The following GPC5 variants were observed in gnomAD, a reference collection of about 807,000 sequenced individuals.
GPC5 encodes glypican-5.
Under a neutral mutation model 53.9 loss-of-function variants are expected in GPC5, and 47 were observed. The ratio of observed to expected loss-of-function variants is 0.87; its 90% CI spans 0.69 to 1.11. The LOEUF (loss-of-function observed/expected upper bound fraction) is 1.11, where lower values mean the gene tolerates loss of function less well. Ranked by LOEUF, GPC5 falls within the 50% of genes most tolerant of loss-of-function variation. The pLI, the probability that GPC5 is intolerant of heterozygous loss-of-function variation, is 0.00. For synonymous variants in GPC5, 286 were observed against 263.3 expected, an observed-to-expected ratio of 1.09 and a Z score of -0.84; for missense variants, 748 against 713.1, an observed-to-expected ratio of 1.05 and a Z score of -0.56.
intron 7 of GPC5, among the ~76,000 whole-genome samples, chr13:92,616,448 G>C (rs1231132119): frequency 6.6e-6 from 1 of 152,164 alleles, no homozygotes; most frequent in Non-Finnish European, 1.5e-5. Flanking sequence ...AGAAGTTATG[G>C]AGGACATAAC....
chr13:91,729,378 C>T (rs2036646021), intron 4 of GPC5, among the ~76,000 whole-genome samples: 1 of 151,978 alleles, frequency 6.6e-6, no homozygotes, highest in Admixed American at 6.6e-5. Context: ...GTTTAGTTGA[C>T]CAGTCAGTGT....
chr13:92,785,771 A>G (rs954742601), intron 7 of GPC5, among the ~76,000 whole-genome samples: 3 of 152,196 alleles, frequency 2.0e-5, no homozygotes, highest in Admixed American at 2.0e-4. Context: ...CAGGTCTGCA[A>G]TTTACTGTGT....
intron 7 of GPC5, among the ~76,000 whole-genome samples, chr13:92,534,878 GAAAC>G (rs1022137816): frequency 6.6e-6 from 1 of 152,118 alleles, no homozygotes; most frequent in Non-Finnish European, 1.5e-5. Context: ...TAGGAAAGGA[GAAAC>G]AAACACATCC....
chr13:92,031,757 TTACATATTATATATAATATATA>T (rs2040847576), intron 6 of GPC5, among the ~76,000 whole-genome samples: 1 of 99,680 alleles, frequency 1.0e-5, no homozygotes, highest in Non-Finnish European at 1.8e-5. Flanking sequence ...ATATATTATA[TTACATATTATATATAATATATA>T]ATATATTACA....
At chr13:92,162,512 A>G (rs1284972166) in intron 7 of GPC5, among the ~76,000 whole-genome samples, 1 of 152,202 alleles carries the variant, frequency 6.6e-6, no homozygotes, top group African/African-American at 2.4e-5. Flanking sequence ...AAGGAATTAA[A>G]ACATCATCTG....
chr13:92,073,702 A>C (rs1164610643), intron 6 of GPC5, among the ~76,000 whole-genome samples: 3 of 152,348 alleles, frequency 2.0e-5, no homozygotes, highest in African/African-American at 4.8e-5. Flanking sequence ...GTCTCTGTAT[A>C]CTGCTTGGTT....
rs578234167 is a variant in GPC5 at position 92,234,090 on chromosome 13, G to A, written c.1561+89101G>A. On this transcript the variant is annotated intron_variant, in intron 7 of 7. Transcript: ENST00000377067. ...ACATCTGGGTTGGTTCCAAGTCTTT[G>A]CTATTGTGAATAGTGCTGCAATAAA... 4.6e-5 allele frequency among the ~76,000 whole-genome samples: 7 copies of A among 152,252 alleles called. No homozygotes were observed. In the East Asian group the frequency reaches 1.2e-3, roughly 25 times the overall value.
chr13:91,798,075 A>C (rs1426049198), intron 5 of GPC5, among the ~76,000 whole-genome samples: 1 of 152,202 alleles, frequency 6.6e-6, no homozygotes, highest in Non-Finnish European at 1.5e-5. Context: ...TAATCAGAAG[A>C]GTATGATGAA....
Position 92,319,497 on chromosome 13 carries a change from C to T in GPC5, c.1561+174508C>T, listed in dbSNP as rs544512837. Reference sequence around the variant, plus strand: ...TCTTTATAAGATCACTTACCCCTACCTCCACTGTGAACCACTTCTCATATC... The same window carrying T: ...TCTTTATAAGATCACTTACCCCTACTTCCACTGTGAACCACTTCTCATATC... On this transcript the variant is annotated intron_variant, in intron 7 of 7. Transcript: ENST00000377067. Among the ~76,000 whole-genome samples the T allele has an allele frequency of 3.3e-5, 5 of 151,942 alleles. No homozygotes were observed. The South Asian group carries it at 1.0e-3, about 32-fold the overall frequency.
intron 2 of GPC5, among the ~76,000 whole-genome samples, chr13:91,531,721 G>A (rs1886353149): frequency 6.6e-6 from 1 of 152,196 alleles, no homozygotes; most frequent in Non-Finnish European, 1.5e-5. Context: ...AATAGAAACT[G>A]TGAGAAGTGT....
At chr13:92,629,419 G>T (rs144813663) in intron 7 of GPC5, among the ~76,000 whole-genome samples, 1 of 152,060 alleles carries the variant, frequency 6.6e-6, no homozygotes, top group Admixed American at 6.6e-5. Context: ...ATTGTGGGGG[G>T]ATTATTTCAT....
At chr13:91,774,035 C>A (rs892481271) in intron 5 of GPC5, among the ~76,000 whole-genome samples, 9 of 152,144 alleles carry the variant, frequency 5.9e-5, no homozygotes, top group Non-Finnish European at 1.2e-4. Context: ...AAATGCATTG[C>A]TTTTCTCTCT....
chr13:92,143,585 GATAAAA>G (rs1427095755), intron 6 of GPC5, among the ~76,000 whole-genome samples: 40 of 152,166 alleles, frequency 2.6e-4, no homozygotes, highest in African/African-American at 8.7e-4. Context: ...GCAAAATGCT[GATAAAA>G]ATAAGAATTT....
intron 7 of GPC5, among the ~76,000 whole-genome samples, chr13:92,311,109 A>G (rs1252974720): frequency 6.6e-6 from 1 of 152,240 alleles, no homozygotes; most frequent in African/African-American, 2.4e-5. Context: ...GAAAAACAAG[A>G]AAAACAAAAA....
chr13:91,592,068 G>A (rs937548356), intron 2 of GPC5, among the ~76,000 whole-genome samples: 1 of 152,150 alleles, frequency 6.6e-6, no homozygotes, highest in East Asian at 1.9e-4. Flanking sequence ...GAGGGTTGGT[G>A]TTTCTTTAAT....
rs567711911 is a variant in GPC5, at chr13:91,946,398, C to G, written c.1401+38341C>G. Among the ~76,000 whole-genome samples the G allele has an allele frequency of 2.0e-5, 3 of 152,218 alleles. No homozygotes were observed. The East Asian group carries it at 5.8e-4, about 29-fold the overall frequency. On this transcript the variant is annotated intron_variant, in intron 6 of 7. Coordinates refer to ENST00000377067, the MANE Select transcript of GPC5 (RefSeq NM_004466.6). ...TTACTCCATATGCTTCTCCATCTAC[C>G]TCTTTTCAGAAAATTTAGTTTGCTA...
In GPC5 at chr13:91,505,486, G is replaced by C. The variant is rs375227473; in HGVS notation, c.325+56564G>C. Among the ~76,000 whole-genome samples the C allele has an allele frequency of 6.6e-4, 100 of 152,210 alleles. 1 individual carries two copies. The South Asian group carries it at 0.02, about 30-fold the overall frequency. ...GGTAGTGGGGACATGATGTGACTTT[G>C]TCCCCTCTACTTTCTGGACTTCCAA... On this transcript the variant is annotated intron_variant, in intron 2 of 7. Transcript: ENST00000377067.
At chr13:92,578,664 T>C (rs1439354829) in intron 7 of GPC5, among the ~76,000 whole-genome samples, 1 of 152,164 alleles carries the variant, frequency 6.6e-6, no homozygotes, top group Admixed American at 6.5e-5. Context: ...AGTTCCTACA[T>C]GGATTGGTAA....
chr13:91,984,813 G>T (rs915008745), intron 6 of GPC5, among the ~76,000 whole-genome samples: 2 of 152,198 alleles, frequency 1.3e-5, no homozygotes, highest in Non-Finnish European at 2.9e-5. Flanking sequence ...ACTGACTTCA[G>T]GTTTATTTTG....
Sources: allele counts gnomAD v4.1 joint callset (sites outside exome capture counted in the v4.1 genomes callset), GRCh38; gene constraint gnomAD v4.1.1; transcripts MANE v1.5; gene names NCBI Gene and HGNC (gene_info 2026-07-23, HGNC 2026-07-21).